Variants in CADM2 observed in about 807,000 individuals in gnomAD.
CADM2 encodes immunoglobulin superfamily member 4D.
CADM2 carries 12 observed loss-of-function variants against 49.8 expected under a neutral mutation model. The observed-to-expected ratio is 0.24, with a 90% confidence interval of 0.15 to 0.39. CADM2 has a LOEUF of 0.39. Ranked by LOEUF, CADM2 falls within the 10% of genes least tolerant of loss-of-function variation. The pLI, the probability that CADM2 is intolerant of heterozygous loss-of-function variation, is 1.00. For synonymous variants in CADM2, 214 were observed against 175.4 expected (o/e 1.22, Z -1.74); for missense variants, 378 against 492.3 (o/e 0.77, Z 2.20).
chr3:85,086,700 G>A (rs939304332), intron 1 of CADM2, among the ~76,000 whole-genome samples: 1 of 151,672 alleles, frequency 6.6e-6, no homozygotes, highest in East Asian at 1.9e-4. Flanking sequence ...TAGTAGACAC[G>A]GTTTCACCAT....
intron 1 of CADM2, among the ~76,000 whole-genome samples, chr3:85,548,919 G>C (rs541052922): frequency 1.8e-4 from 28 of 152,244 alleles, no homozygotes; most frequent in Admixed American, 6.5e-4. Context: ...GCCTTCTGTG[G>C]CATATCTCCT....
intron 3 of CADM2, among the ~76,000 whole-genome samples, chr3:85,860,057 T>C (rs2075465052): frequency 1.3e-5 from 2 of 152,332 alleles, no homozygotes; most frequent in South Asian, 2.1e-4. Flanking sequence ...TATCTTTAGC[T>C]CATTTCAGTT....
intron 2 of CADM2, among the ~76,000 whole-genome samples, chr3:85,780,822 T>C (rs2107992077): frequency 6.6e-6 from 1 of 152,316 alleles, no homozygotes; most frequent in East Asian, 1.9e-4. Flanking sequence ...TCCCTGTATC[T>C]GTTCCCTCAG....
chr3:86,013,657 A>G, intron 8 of CADM2: 1 of 1,603,068 alleles, frequency 6.2e-7, no homozygotes, highest in South Asian at 1.1e-5. Context: ...ATAGCAGGGG[A>G]AGAGCACCTA....
chr3:84,986,925 A>G (rs2032601690), intron 1 of CADM2, among the ~76,000 whole-genome samples: 1 of 151,232 alleles, frequency 6.6e-6, no homozygotes, highest in African/African-American at 2.4e-5. Flanking sequence ...GGTGGCGCAT[A>G]CCTGTAATCC....
intron 1 of CADM2, among the ~76,000 whole-genome samples, chr3:85,505,048 G>A (rs2040278533): frequency 6.6e-6 from 1 of 152,128 alleles, no homozygotes; most frequent in Non-Finnish European, 1.5e-5. Context: ...GGTTCCCGCT[G>A]GCGCCTCTCC....
chr3:86,046,898 CA>C (rs925324496), intron 8 of CADM2, among the ~76,000 whole-genome samples: 3 of 149,778 alleles, frequency 2.0e-5, no homozygotes, highest in African/African-American at 7.4e-5. Context: ...AAATTTTTCA[CA>C]AAAAAATTTC....
chr3:85,886,298 G>C lies in CADM2; in HGVS notation c.500G>C (p.Arg167Thr), dbSNP rs772488566. Residue 167 changes from arginine to threonine, a missense_variant, in exon 5 of 10, where the codon AGA (arginine) becomes ACA (threonine). Arg to Thr is a moderately conservative substitution (Grantham distance 71). Coordinates refer to ENST00000383699, the MANE Select transcript of CADM2 (RefSeq NM_001167675.2). ...GGTAGTAAACCTGCAGCTGATATAA[G>C]ATGGTTCAAAAATGACAAAGAGATT... ...TSGSKPAADI[R>T]WFKNDKEIKD... The C allele has an allele frequency of 6.2e-7, 1 of 1,613,648 alleles. No individual in the cohort carries two copies.
rs140329876 is a variant in CADM2 at position 85,980,016 on chromosome 3, G to A, written c.970+18369G>A. Among the ~76,000 whole-genome samples, 72 of 151,244 alleles carry A rather than the reference G, an allele frequency of 4.8e-4. No individual in the cohort carries two copies. The East Asian group carries it at 0.013, about 28-fold the overall frequency. On this transcript the variant is annotated intron_variant, in intron 8 of 9. Coordinates refer to ENST00000383699, the MANE Select transcript of CADM2 (RefSeq NM_001167675.2). ...GTTGAGAAATATAAAAAGTATTCCTGAGCAGTCATTAAGTGGTTAGCAGCT... is the reference window on the plus strand; with the variant it reads ...GTTGAGAAATATAAAAAGTATTCCTAAGCAGTCATTAAGTGGTTAGCAGCT...
chr3:86,035,039 G>A (rs1734985551), intron 8 of CADM2, among the ~76,000 whole-genome samples: 1 of 152,010 alleles, frequency 6.6e-6, no homozygotes, highest in Admixed American at 6.6e-5. Context: ...GTTATAGACA[G>A]AATAGTCTTT....
intron 1 of CADM2, among the ~76,000 whole-genome samples, chr3:84,967,971 G>A (rs764263764): frequency 2.6e-5 from 4 of 151,994 alleles, no homozygotes; most frequent in Non-Finnish European, 5.9e-5. Context: ...GCCTAAATTA[G>A]CATATGCTAG....
At chr3:85,533,737 G>A (rs1576740739) in intron 1 of CADM2, among the ~76,000 whole-genome samples, 1 of 152,152 alleles carries the variant, frequency 6.6e-6, no homozygotes, top group African/African-American at 2.4e-5. Context: ...AGAATCAAGG[G>A]CCAGCTTAGA....
intron 3 of CADM2, among the ~76,000 whole-genome samples, chr3:85,828,737 C>T (rs139134556): frequency 6.6e-5 from 10 of 151,850 alleles, no homozygotes; most frequent in African/African-American, 2.4e-4. Flanking sequence ...ATTTTAATCC[C>T]CTAATTTTCA....
At chr3:85,230,422 C>T (rs980199273) in intron 1 of CADM2, among the ~76,000 whole-genome samples, 1 of 152,118 alleles carries the variant, frequency 6.6e-6, no homozygotes, top group African/African-American at 2.4e-5. Flanking sequence ...GCAACTTTAT[C>T]TCATTGTTCC....
At chr3:85,020,731 C>T (rs1470163296) in intron 1 of CADM2, among the ~76,000 whole-genome samples, 2 of 148,556 alleles carry the variant, frequency 1.3e-5, no homozygotes, top group African/African-American at 5.0e-5. Context: ...AGATATATGT[C>T]TTTGTATGTG....
rs148560742 is a variant in CADM2, at chr3:86,064,409, T to A, written c.971-1196T>A. On this transcript the variant is annotated intron_variant, in intron 8 of 9. Transcript: ENST00000383699. ...TCATCCTTTTTTTATGACTGCATAG[T>A]ATTCCATGGTGTATATGTGCCACAT... Among the ~76,000 whole-genome samples the A allele has an allele frequency of 7.5e-3, 1,149 of 152,316 alleles. 18 individuals are homozygous for A. The highest frequency in any genetic ancestry group is 0.026 in the African/African-American group (1,089 of 41,568).
At chr3:85,896,342 T>C (rs891601338) in intron 5 of CADM2, among the ~76,000 whole-genome samples, 1 of 152,196 alleles carries the variant, frequency 6.6e-6, no homozygotes, top group African/African-American at 2.4e-5. Flanking sequence ...TAAAAGGTTA[T>C]GCTTATAGTA....
At chr3:85,428,815 A>C (rs771814348) in intron 1 of CADM2, among the ~76,000 whole-genome samples, 2 of 151,304 alleles carry the variant, frequency 1.3e-5, no homozygotes, top group Non-Finnish European at 3.0e-5. Flanking sequence ...TGCACCATGC[A>C]GTTTTTCTTT....
At chr3:85,990,498 G>T (rs559632660) in intron 8 of CADM2, among the ~76,000 whole-genome samples, 3 of 152,146 alleles carry the variant, frequency 2.0e-5, no homozygotes, top group Non-Finnish European at 4.4e-5. Flanking sequence ...CTTATTGCAG[G>T]CTGCGTTGGG....
Sources: gnomAD v4.1 joint callset for allele counts (sites outside exome capture counted in the v4.1 genomes callset) on GRCh38, gnomAD v4.1.1 for gene constraint, MANE v1.5 for transcripts, NCBI Gene and HGNC (gene_info 2026-07-23, HGNC 2026-07-21) for gene names.